LINGO2: variants seen among roughly 807,000 people sequenced by gnomAD.
The protein encoded by LINGO2 is leucine rich repeat and Ig domain containing 2.
LINGO2 carries 14 observed loss-of-function variants against 30.6 expected under a neutral mutation model. That is an observed-to-expected ratio of 0.46 (90% CI 0.30 to 0.72). The LOEUF is 0.72. LINGO2 is among the 30% of genes least tolerant of loss of function. The probability of loss-of-function intolerance (pLI) is 0.07; values close to 1 mark genes in which losing one functional copy is unlikely to be tolerated. For synonymous variants in LINGO2, 317 were observed against 288.5 expected (o/e 1.10, Z -1.00); for missense variants, 729 against 751.7 (o/e 0.97, Z 0.35).
intron 4 of LINGO2, among the ~76,000 whole-genome samples, chr9:28,176,815 A>T (rs977169992): frequency 3.3e-5 from 5 of 152,208 alleles, no homozygotes; most frequent in Non-Finnish European, 7.4e-5. Flanking sequence ...AAATGTAAGC[A>T]CGTGTAGTGT....
the LINGO2 span, among the ~76,000 whole-genome samples, chr9:28,989,076 C>T: frequency 3.3e-5 from 5 of 152,090 alleles, no homozygotes; most frequent in South Asian, 2.1e-4. Flanking sequence ...ATACAAAACA[C>T]GTCAATAATG....
At chr9:28,707,003 G>C in the LINGO2 span, among the ~76,000 whole-genome samples, 3 of 151,856 alleles carry the variant, frequency 2.0e-5, no homozygotes, top group African/African-American at 7.3e-5. Flanking sequence ...CCTACTCCTG[G>C]ACTACATGTT....
the LINGO2 span, among the ~76,000 whole-genome samples, chr9:28,704,000 T>G: frequency 6.6e-6 from 1 of 152,132 alleles, no homozygotes; most frequent in South Asian, 2.1e-4. Flanking sequence ...AAGATTTTAT[T>G]TGGCCTTCAT....
intron 1 of LINGO2, among the ~76,000 whole-genome samples, chr9:28,589,979 A>G (rs1250150358): frequency 6.6e-6 from 1 of 152,192 alleles, no homozygotes; most frequent in Admixed American, 6.5e-5. Flanking sequence ...GGAACAGAAC[A>G]GAGCCCTCAG....
the LINGO2 span, among the ~76,000 whole-genome samples, chr9:28,987,072 GTTT>G: frequency 3.6e-4 from 43 of 119,158 alleles, no homozygotes; most frequent in African/African-American, 1.1e-3. Context: ...GTTCTAACAG[GTTT>G]TTTTTTTTTT....
At chr9:28,557,529 A>G (rs1431658689) in intron 1 of LINGO2, among the ~76,000 whole-genome samples, 2 of 151,980 alleles carry the variant, frequency 1.3e-5, no homozygotes, top group Non-Finnish European at 2.9e-5. Context: ...AGAAATAGGA[A>G]CACTTTTACA....
the LINGO2 span, among the ~76,000 whole-genome samples, chr9:28,714,463 T>C: frequency 6.6e-6 from 1 of 151,998 alleles, no homozygotes; most frequent in African/African-American, 2.4e-5. Flanking sequence ...GTCTCGTAGA[T>C]AGCCTGAGAG....
At chr9:29,083,047 T>G in the LINGO2 span, among the ~76,000 whole-genome samples, 2 of 152,110 alleles carry the variant, frequency 1.3e-5, no homozygotes, top group Non-Finnish European at 2.9e-5. Context: ...GATCTAGAAC[T>G]AGAAATACCA....
At chr9:28,583,962 G>C (rs971560400) in intron 1 of LINGO2, among the ~76,000 whole-genome samples, 4 of 151,996 alleles carry the variant, frequency 2.6e-5, no homozygotes, top group South Asian at 2.1e-4. Context: ...GCTCTTGATA[G>C]AAAGGATGGA....
the LINGO2 span, among the ~76,000 whole-genome samples, chr9:28,929,638 A>G: frequency 1.3e-5 from 2 of 152,202 alleles, no homozygotes; most frequent in Non-Finnish European, 2.9e-5. Context: ...GGCATGGACA[A>G]CTTTCCACAT....
chr9:29,000,813 G>A, the LINGO2 span, among the ~76,000 whole-genome samples: 1 of 151,852 alleles, frequency 6.6e-6, no homozygotes, highest in Non-Finnish European at 1.5e-5. Flanking sequence ...GCTGTGCAAA[G>A]ACTCTGTATT....
chr9:29,107,311 T>C, the LINGO2 span, among the ~76,000 whole-genome samples: 1 of 152,150 alleles, frequency 6.6e-6, no homozygotes, highest in Non-Finnish European at 1.5e-5. Context: ...TTCTCTATAT[T>C]ACATAAGTAA....
the LINGO2 span, among the ~76,000 whole-genome samples, chr9:29,161,759 A>G: frequency 3.3e-5 from 5 of 152,216 alleles, no homozygotes; most frequent in Admixed American, 2.0e-4. Flanking sequence ...TAACTCAAAG[A>G]AAACAGTTCC....
chr9:28,212,319 TA>T (rs1820619945), intron 4 of LINGO2, among the ~76,000 whole-genome samples: 1 of 151,376 alleles, frequency 6.6e-6, no homozygotes, highest in Non-Finnish European at 1.5e-5. Context: ...AAAATGAGAC[TA>T]AAAAAACTTC....
chr9:29,180,933 G>A, the LINGO2 span, among the ~76,000 whole-genome samples: 11 of 152,238 alleles, frequency 7.2e-5, no homozygotes, highest in South Asian at 1.2e-3. Flanking sequence ...AAAAGGTTAC[G>A]TACATTTTGT....
the LINGO2 span, among the ~76,000 whole-genome samples, chr9:28,874,663 C>A: frequency 6.6e-6 from 1 of 152,010 alleles, no homozygotes; most frequent in Non-Finnish European, 1.5e-5. Flanking sequence ...CCTTCAGGGT[C>A]CACGCTTTTT....
Position 28,247,276 on chromosome 9 carries a change from T to C in LINGO2, c.-87+47932A>G, listed in dbSNP as rs558008100. Among the ~76,000 whole-genome samples the C allele has an allele frequency of 8.7e-4, 132 of 152,288 alleles. 1 individual carries two copies. Among genetic ancestry groups the C allele is most frequent in the African/African-American group, 3.1e-3 (127 of 41,564 alleles). On this transcript the variant is annotated intron_variant, in intron 4 of 5. Transcript: ENST00000379992. The stretch of plus-strand genomic sequence containing the variant: ...TATATACCCAAAGGAATATAAATCA[T>C]TCTATTATAAAGATATATGCATAGT...
intron 5 of LINGO2, among the ~76,000 whole-genome samples, chr9:27,987,236 A>G (rs1563884862): frequency 6.6e-6 from 1 of 151,816 alleles, no homozygotes; most frequent in African/African-American, 2.4e-5. Context: ...CCTTGTCAAC[A>G]TTTGCAATGT....
rs146611926 is a variant in LINGO2, at chr9:28,546,061, C to A, written c.-364-70036G>T. On this transcript the variant is annotated intron_variant, in intron 1 of 5. Coordinates refer to ENST00000379992, the Ensembl canonical transcript of LINGO2. ...CACAGAAAGACAAATACTTCATGAT[C>A]TCACTTATATGTGGACTCTAAAGAA... Among the ~76,000 whole-genome samples the A allele has an allele frequency of 6.0e-3, 920 of 152,148 alleles. 6 individuals are homozygous for A. The highest frequency in any genetic ancestry group is 0.017 in the Middle Eastern group (5 of 294).
Sources: gnomAD v4.1 joint callset for allele counts (sites outside exome capture counted in the v4.1 genomes callset) on GRCh38, gnomAD v4.1.1 for gene constraint, MANE v1.5 for transcripts, NCBI Gene and HGNC (gene_info 2026-07-23, HGNC 2026-07-21) for gene names.